PPM1B: variants seen among roughly 807,000 people sequenced by gnomAD.
The protein encoded by PPM1B is protein phosphatase 1B.
A neutral mutation model predicts 43.0 loss-of-function variants in PPM1B; 22 were observed. That is an observed-to-expected ratio of 0.51 (90% CI 0.37 to 0.73). PPM1B has a LOEUF of 0.73. PPM1B is among the 30% of genes least tolerant of loss of function. The pLI is 0.00. For missense variants in PPM1B, 632 were observed against 584.2 expected (o/e 1.08, Z -0.84); for synonymous variants, 217 against 197.9 (o/e 1.10, Z -0.81).
At chr2:44,170,878 G>C (rs1385257281) in intron 1 of PPM1B, among the ~76,000 whole-genome samples, 6 of 152,210 alleles carry the variant, frequency 3.9e-5, no homozygotes, top group African/African-American at 1.4e-4. Context: ...ATTTAGAACA[G>C]AATATTTTAG....
At chr2:44,198,177 T>A (rs917854232) in intron 1 of PPM1B, among the ~76,000 whole-genome samples, 5 of 152,166 alleles carry the variant, frequency 3.3e-5, no homozygotes, top group Non-Finnish European at 7.3e-5. Context: ...TTGTTTGTTT[T>A]TGAGACGGAG....
chr2:44,220,148 AT>A (rs1669907334), intron 5 of PPM1B, among the ~76,000 whole-genome samples: 1 of 152,060 alleles, frequency 6.6e-6, no homozygotes, highest in South Asian at 2.1e-4. Flanking sequence ...CACTACCTTG[AT>A]TAGAGGAAAT....
At position 44,229,854 on chromosome 2, in the gene PPM1B, A is replaced by C. The variant is rs375740770; in HGVS notation, c.1135-559A>C. The C allele has an allele frequency of 7.2e-4, 585 of 809,324 alleles. 2 individuals carry two copies. The Middle Eastern group carries it at 0.011, about 15-fold the overall frequency. 50.1% of individuals were successfully genotyped at this position (809,324 alleles called of 1,614,324 possible). On this transcript the variant is annotated intron_variant, in intron 5 of 5. Transcript: ENST00000282412. The stretch of plus-strand genomic sequence containing the variant: ...TTATTATTCATACTGAGAATACTTA[A>C]TTTATTTTTATCTAGAGATGTTTTT...
chr2:44,246,104 G>T (rs1419673658), downstream of PPM1B, among the ~76,000 whole-genome samples: 1 of 151,998 alleles, frequency 6.6e-6, no homozygotes, highest in Non-Finnish European at 1.5e-5. Context: ...TCACCATCCA[G>T]GACCCTTTTC....
At chr2:44,212,812 C>G (rs560794095) in intron 3 of PPM1B, among the ~76,000 whole-genome samples, 10 of 151,886 alleles carry the variant, frequency 6.6e-5, no homozygotes, top group Non-Finnish European at 1.5e-4. Context: ...AGATTGAGAC[C>G]ATCCTGGCTA....
chr2:44,191,086 C>T (rs759969378), intron 1 of PPM1B, among the ~76,000 whole-genome samples: 2 of 152,172 alleles, frequency 1.3e-5, no homozygotes, highest in Non-Finnish European at 2.9e-5. Flanking sequence ...CACTATTTCC[C>T]TAGAAGTAAG....
At chr2:44,226,968 ATTT>A (rs1670244928) in intron 5 of PPM1B, among the ~76,000 whole-genome samples, 4 of 139,940 alleles carry the variant, frequency 2.9e-5, no homozygotes, top group African/African-American at 1.0e-4. Context: ...TTATTTATTT[ATTT>A]ATGAATGAAT....
intron 3 of PPM1B, among the ~76,000 whole-genome samples, chr2:44,214,458 G>C (rs1016237551): frequency 6.6e-6 from 1 of 150,954 alleles, no homozygotes; most frequent in Non-Finnish European, 1.5e-5. Flanking sequence ...ATATTTTTTC[G>C]GGGGTGGGGG....
intron 1 of PPM1B, among the ~76,000 whole-genome samples, chr2:44,178,503 T>C (rs992143964): frequency 2.0e-5 from 3 of 149,904 alleles, no homozygotes; most frequent in Non-Finnish European, 4.4e-5. Context: ...GTTTCGCTCT[T>C]GTCACCCAGG....
chr2:44,200,606 A>T (rs916679117), intron 1 of PPM1B, among the ~76,000 whole-genome samples: 2 of 152,150 alleles, frequency 1.3e-5, no homozygotes, highest in African/African-American at 4.8e-5. Context: ...ATGTGTGTAG[A>T]ATGGAGATTT....
At chr2:44,207,262 G>T (rs767638383) in intron 2 of PPM1B, among the ~76,000 whole-genome samples, 100 of 152,278 alleles carry the variant, frequency 6.6e-4, no homozygotes, top group Non-Finnish European at 1.0e-3. Context: ...GCATAAGTCT[G>T]AACCGAGCCA....
intron 1 of PPM1B, among the ~76,000 whole-genome samples, chr2:44,198,670 A>T (rs1344033077): frequency 6.6e-6 from 1 of 152,170 alleles, no homozygotes; most frequent in Non-Finnish European, 1.5e-5. Flanking sequence ...CAAAAATGAA[A>T]CGAAATAATA....
chr2:44,233,958 C>A, downstream of PPM1B: 1 of 985,368 alleles, frequency 1.0e-6, no homozygotes, highest in Non-Finnish European at 1.2e-6. Flanking sequence ...CCACTCTGAT[C>A]CAACCCTGTA....
intron 2 of PPM1B, among the ~76,000 whole-genome samples, chr2:44,207,364 C>G (rs529024890): frequency 1.3e-5 from 2 of 152,192 alleles, no homozygotes; most frequent in African/African-American, 4.8e-5. Flanking sequence ...TTGGCAAACA[C>G]TATCAGACAA....
At chr2:44,208,297 C>G (rs144741066) in intron 2 of PPM1B, among the ~76,000 whole-genome samples, 1 of 152,218 alleles carries the variant, frequency 6.6e-6, no homozygotes, top group Admixed American at 6.5e-5. Flanking sequence ...TCTGAAACTA[C>G]TTGCGACTAT....
At chr2:44,180,939 C>G (rs189650723) in intron 1 of PPM1B, among the ~76,000 whole-genome samples, 5 of 151,842 alleles carry the variant, frequency 3.3e-5, no homozygotes, top group African/African-American at 1.2e-4. Context: ...GGGATGACAT[C>G]AAGGTGGAAG....
At chr2:44,245,677 T>C (rs1224895551), downstream of PPM1B, among the ~76,000 whole-genome samples, 1 of 152,232 alleles carries the variant, frequency 6.6e-6, no homozygotes, top group East Asian at 1.9e-4. Context: ...GTTGTCCTGC[T>C]TCACTTAGAT....
chr2:44,236,848 A>C (rs1670637037), downstream of PPM1B, among the ~76,000 whole-genome samples: 1 of 152,196 alleles, frequency 6.6e-6, no homozygotes. Flanking sequence ...TTGTGTTTTG[A>C]AGTTCATCTG....
intron 5 of PPM1B, among the ~76,000 whole-genome samples, chr2:44,243,958 G>T (rs1670803190): frequency 6.6e-6 from 1 of 152,056 alleles, no homozygotes; most frequent in South Asian, 2.1e-4. Flanking sequence ...AGTTCCACCA[G>T]GAAGATGCTA....
Sources: allele counts gnomAD v4.1 joint callset (sites outside exome capture counted in the v4.1 genomes callset), GRCh38; gene constraint gnomAD v4.1.1; transcripts MANE v1.5; gene names NCBI Gene and HGNC (gene_info 2026-07-23, HGNC 2026-07-21).